Variants in TTYH3 observed in about 807,000 individuals in gnomAD.
TTYH3 encodes the protein tweety family member 3, also known as protein tweety homolog 3.
Under a neutral mutation model 68.2 loss-of-function variants are expected in TTYH3, and 23 were observed. That is an observed-to-expected ratio of 0.34 (90% CI 0.24 to 0.48). TTYH3 has a LOEUF of 0.48. Among genes scored for constraint, TTYH3 ranks in the 20% least tolerant of loss-of-function variants. The pLI is 0.99. For synonymous variants in TTYH3, 360 were observed against 332.8 expected (o/e 1.08, Z -0.89); for missense variants, 768 against 727.7 (o/e 1.06, Z -0.64).
intron 1 of TTYH3, among the ~76,000 whole-genome samples, chr7:2,638,268 C>T (rs1248526364): frequency 1.3e-5 from 2 of 151,432 alleles, no homozygotes; most frequent in African/African-American, 4.8e-5. Flanking sequence ...GGGGATTTTC[C>T]GGGTGTCACG....
chr7:2,654,344 G>A (rs1157466210), intron 9 of TTYH3, among the ~76,000 whole-genome samples: 1 of 152,110 alleles, frequency 6.6e-6, no homozygotes. Flanking sequence ...GCAGTGAGCT[G>A]TGATGGCACC....
chr7:2,649,837 GA>G (rs1386472022), intron 6 of TTYH3, 75 bp from the exon 7 acceptor site: 2 of 1,547,384 alleles, frequency 1.3e-6, no homozygotes, highest in East Asian at 4.5e-5. Flanking sequence ...GACTCCAGGG[GA>G]CGGGTTCTAC....
At chr7:2,656,586 G>A (rs759499299) in intron 11 of TTYH3, 52 bp downstream of exon 11, 21 of 1,577,158 alleles carry the variant, frequency 1.3e-5, no homozygotes, top group East Asian at 2.3e-5. Flanking sequence ...CATGGCATGC[G>A]GGACACTTCA....
At chr7:2,636,492 G>A (rs768735486) in intron 1 of TTYH3, among the ~76,000 whole-genome samples, 2 of 152,106 alleles carry the variant, frequency 1.3e-5, no homozygotes, top group Non-Finnish European at 2.9e-5. Flanking sequence ...CTTGTCCAGC[G>A]TCCCACGGTG....
chr7:2,655,293 G>C (rs536868882), intron 9 of TTYH3, among the ~76,000 whole-genome samples: 1 of 152,106 alleles, frequency 6.6e-6, no homozygotes, highest in African/African-American at 2.4e-5. Context: ...CTACAGGCGC[G>C]TGCCACCACG....
chr7:2,632,427 C>T, intron 1 of TTYH3, 149 bp downstream of exon 1: 1 of 811,902 alleles, frequency 1.2e-6, no homozygotes, highest in Non-Finnish European at 1.8e-6. Flanking sequence ...CAGGTACCGG[C>T]CTCCTTCCTT....
At position 2,656,529 on chromosome 7, in the gene TTYH3, A is replaced by G. The variant is rs758857024; in HGVS notation, c.1245A>G (p.Gln415=). The change falls in exon 11 of 14, where the codon CAA becomes CAG. Residue 415 remains glutamine, a synonymous_variant. Coordinates refer to ENST00000258796, the MANE Select transcript of TTYH3 (RefSeq NM_025250.3). The part of the protein sequence containing the change: ...IVCSVPHTWQ[Q]KRGPDEDGEE... ...GCAGCGTCCCGCACACCTGGCAGCA[A>G]AAGAGGTGAGGGGCCCTGGGGGGTC... 2 of 1,602,368 alleles carry G rather than the reference A, an allele frequency of 1.2e-6. No individual in the cohort carries two copies. Among genetic ancestry groups the G allele is most frequent in the Middle Eastern group, 1.7e-4 (1 of 6,018 alleles).
chr7:2,646,576 C>T (rs12537677), intron 1 of TTYH3, among the ~76,000 whole-genome samples: 2 of 152,036 alleles, frequency 1.3e-5, no homozygotes, highest in African/African-American at 4.8e-5. Context: ...TCGGTTCACC[C>T]GGCCCCTCCT....
chr7:2,632,175 C>T lies in TTYH3; in HGVS notation c.20C>T (p.Ala7Val), dbSNP rs1342658130. The change falls in exon 1 of 14, where the codon GCG becomes GTG. Residue 7 changes from alanine (A) to valine (V), a missense_variant. By Grantham distance (64) the Ala-to-Val change is moderately conservative (BLOSUM62 0). Transcript: ENST00000258796. ...CCCGCCATGGCCGGGGTCAGCTACG[C>T]GGCGCCCTGGTGGGTGAGCCTCCTG... MAGVSYAAPWWVSLLHR... is the reference protein window; with the variant it reads MAGVSYVAPWWVSLLHR... 6.7e-7 allele frequency: 1 copy of T among 1,495,030 alleles called. No homozygotes were observed. 92.6% of individuals were successfully genotyped at this position (1,495,030 alleles called of 1,614,324 possible).
intron 1 of TTYH3, among the ~76,000 whole-genome samples, chr7:2,633,505 C>G (rs1011835984): frequency 6.6e-6 from 1 of 152,068 alleles, no homozygotes; most frequent in Admixed American, 6.5e-5. Flanking sequence ...GGCCCAGGCA[C>G]GCCCAGACAC....
chr7:2,658,071 G>A (rs960924868), intron 11 of TTYH3, among the ~76,000 whole-genome samples: 3 of 152,236 alleles, frequency 2.0e-5, no homozygotes, highest in Admixed American at 6.5e-5. Flanking sequence ...CCTGGCACTC[G>A]GGTGACCACA....
At position 2,658,235 on chromosome 7, in the gene TTYH3, C is replaced by G. The variant is rs566584811; in HGVS notation, c.1251-51C>G. The G allele has an allele frequency of 1.1e-4, 161 of 1,469,152 alleles. 3 individuals are homozygous for G. The East Asian group carries it at 3.6e-3, about 33-fold the overall frequency. 91.0% of individuals were successfully genotyped at this position (1,469,152 alleles called of 1,614,324 possible). ...GAACTGACCCCCATGGGTCTGTGGC[C>G]AGCTCCTTCCTGCTGGGGCCTGAGC... On this transcript the variant is annotated intron_variant, in intron 11 of 13. Coordinates refer to ENST00000258796, the MANE Select transcript of TTYH3 (RefSeq NM_025250.3).
At chr7:2,651,835 C>G (rs1583570304) in intron 7 of TTYH3, among the ~76,000 whole-genome samples, 5 of 152,170 alleles carry the variant, frequency 3.3e-5, no homozygotes, top group African/African-American at 2.4e-5. Flanking sequence ...TGTGGGGACT[C>G]TGGCTTGATG....
rs1562703745 is a variant in TTYH3 at position 2,632,119 on chromosome 7, G to T, written c.-37G>T. ...CCCCGGGCCAGCAAGGGAGCCCCGC[G>T]CAGGCCGCGCGCATCCGGAGGCGGC... On this transcript the variant is annotated 5_prime_UTR_variant, in exon 1 of 14. Transcript: ENST00000258796. 2.3e-6 allele frequency: 3 copies of T among 1,323,016 alleles called. No homozygotes were observed. Among genetic ancestry groups the T allele is most frequent in the Non-Finnish European group, 1.9e-6 (2 of 1,030,590 alleles). The allele number at this position is 1,323,016 out of a possible 1,614,324, so 82.0% of individuals were successfully genotyped here. A position where few individuals can be genotyped will look rare whatever the true frequency, so the allele number is the denominator to read the frequency against.
chr7:2,652,592 C>G (rs984339623), intron 8 of TTYH3, among the ~76,000 whole-genome samples: 2 of 152,178 alleles, frequency 1.3e-5, no homozygotes, highest in Non-Finnish European at 2.9e-5. Context: ...TTGAAGAGGT[C>G]GGCCGCACCA....
intron 1 of TTYH3, among the ~76,000 whole-genome samples, chr7:2,633,421 G>C (rs372372336): frequency 2.6e-5 from 4 of 152,042 alleles, no homozygotes; most frequent in Non-Finnish European, 5.9e-5. Flanking sequence ...TCCCAGCCTC[G>C]CGCTCACTTG....
At chr7:2,633,879 T>A (rs750614945) in intron 1 of TTYH3, among the ~76,000 whole-genome samples, 7 of 152,184 alleles carry the variant, frequency 4.6e-5, no homozygotes, top group Non-Finnish European at 1.0e-4. Context: ...CATTCCCACA[T>A]TCGAGACAGG....
chr7:2,659,039 G>C, intron 13 of TTYH3, 24 bp downstream of exon 13: 2 of 1,609,762 alleles, frequency 1.2e-6, no homozygotes, highest in South Asian at 2.2e-5. Flanking sequence ...CAGGAGGGTG[G>C]ATGGGGGGCT....
chr7:2,653,280 G>C (rs941403196), intron 9 of TTYH3, among the ~76,000 whole-genome samples: 1 of 152,102 alleles, frequency 6.6e-6, no homozygotes, highest in Non-Finnish European at 1.5e-5. Context: ...CATTTCTTTT[G>C]AGATGGGCTC....
Sources: allele counts gnomAD v4.1 joint callset (sites outside exome capture counted in the v4.1 genomes callset), GRCh38; gene constraint gnomAD v4.1.1; transcripts MANE v1.5; gene names NCBI Gene and HGNC (gene_info 2026-07-23, HGNC 2026-07-21).